KDM4C: variants seen among roughly 807,000 people sequenced by gnomAD.
The protein encoded by KDM4C is lysine-specific demethylase 4C.
In KDM4C, 81 loss-of-function variants were observed where a neutral mutation model predicts 129.3. That is an observed-to-expected ratio of 0.63 (90% CI 0.52 to 0.75). KDM4C has a LOEUF of 0.75. Ranked by LOEUF, KDM4C falls within the 30% of genes least tolerant of loss-of-function variation. The pLI is 0.00. For synonymous variants in KDM4C, 573 were observed against 456.1 expected, an observed-to-expected ratio of 1.26 and a Z score of -3.26; for missense variants, 1,457 against 1,304.0, an observed-to-expected ratio of 1.12 and a Z score of -1.81.
intron 1 of KDM4C, among the ~76,000 whole-genome samples, chr9:6,738,510 T>C (rs1236076097): frequency 1.3e-5 from 2 of 151,954 alleles, no homozygotes; most frequent in Non-Finnish European, 2.9e-5. Context: ...CAGAGGTCAC[T>C]GGAGTCTCGA....
At chr9:6,996,339 C>T (rs1212358279) in intron 12 of KDM4C, among the ~76,000 whole-genome samples, 1 of 152,220 alleles carries the variant, frequency 6.6e-6, no homozygotes, top group African/African-American at 2.4e-5. Flanking sequence ...TATCACACCC[C>T]CTTCCCCCTT....
intron 1 of KDM4C, among the ~76,000 whole-genome samples, chr9:6,778,997 C>G (rs1392450179): frequency 6.8e-6 from 1 of 146,718 alleles, no homozygotes; most frequent in South Asian, 2.2e-4. Flanking sequence ...GCTGGGATTA[C>G]AGGCCTGAGC....
chr9:6,930,936 G>C (rs143950457), intron 8 of KDM4C, among the ~76,000 whole-genome samples: 1 of 152,078 alleles, frequency 6.6e-6, no homozygotes, highest in South Asian at 2.1e-4. Context: ...TTTGCAGTAA[G>C]CACCTCAGAG....
chr9:6,745,312 A>G lies in KDM4C; in HGVS notation c.49+24315A>G, dbSNP rs985354489. On this transcript the variant is annotated intron_variant, in intron 1 of 17. Transcript: ENST00000536108. ...TTGTTATATTTTAAAACTGAGAAAA[A>G]TTTAGGCCAGGGATGGTGGCTCGCA... Among the ~76,000 whole-genome samples the G allele has an allele frequency of 7.9e-5, 12 of 151,976 alleles. No individual in the cohort carries two copies. The East Asian group carries it at 2.3e-3, about 29-fold the overall frequency.
chr9:7,018,679 G>C (rs1824123721), intron 15 of KDM4C, among the ~76,000 whole-genome samples: 1 of 152,198 alleles, frequency 6.6e-6, no homozygotes, highest in South Asian at 2.1e-4. Flanking sequence ...TGTTGTCCAA[G>C]GTACCATTGT....
At chr9:6,800,987 T>G (rs1048724069) in intron 2 of KDM4C, among the ~76,000 whole-genome samples, 5 of 152,218 alleles carry the variant, frequency 3.3e-5, no homozygotes, top group Non-Finnish European at 5.9e-5. Flanking sequence ...TATCCTTATA[T>G]TGCTAATGAA....
chr9:6,736,368 T>A (rs1274612471), intron 1 of KDM4C, among the ~76,000 whole-genome samples: 1 of 152,164 alleles, frequency 6.6e-6, no homozygotes, highest in Admixed American at 6.6e-5. Context: ...GAGGTATTCA[T>A]GGCAGCCCCT....
intron 8 of KDM4C, among the ~76,000 whole-genome samples, chr9:6,956,934 C>T (rs371523057): frequency 2.0e-5 from 3 of 152,152 alleles, no homozygotes; most frequent in South Asian, 4.1e-4. Context: ...CATCCTCTGG[C>T]TTGGTTCTGT....
At chr9:6,988,350 A>G (rs1375631792) in intron 11 of KDM4C, among the ~76,000 whole-genome samples, 1 of 152,078 alleles carries the variant, frequency 6.6e-6, no homozygotes, top group Non-Finnish European at 1.5e-5. Context: ...TTTGCTCTCA[A>G]GGAAGGTGAT....
At chr9:7,027,984 G>C (rs919024735) in intron 15 of KDM4C, among the ~76,000 whole-genome samples, 20 of 152,064 alleles carry the variant, frequency 1.3e-4, no homozygotes, top group African/African-American at 4.8e-4. Context: ...TCACCCTTCG[G>C]GACACTGGGC....
chr9:7,009,583 C>CA (rs1476167468), intron 12 of KDM4C, among the ~76,000 whole-genome samples: 1 of 152,008 alleles, frequency 6.6e-6, no homozygotes, highest in African/African-American at 2.4e-5. Flanking sequence ...CCTTTGGTGC[C>CA]ACTGCCTTGA....
intron 13 of KDM4C, among the ~76,000 whole-genome samples, chr9:7,012,549 T>C (rs980987431): frequency 6.6e-6 from 1 of 152,176 alleles, no homozygotes; most frequent in Non-Finnish European, 1.5e-5. Flanking sequence ...AAGTGTCTCT[T>C]TTCACCTTCC....
rs138310334 is a variant in KDM4C at position 7,085,272 on chromosome 9, C to T, written c.2425-18413C>T. On this transcript the variant is annotated intron_variant, in intron 17 of 21. Transcript: ENST00000381309. ...GTGTGGCAGTGAGTAAACACTTCTT[C>T]GGACCTCAGTTTCTTCATCTCTAAA... Among the ~76,000 whole-genome samples the T allele has an allele frequency of 4.3e-3, 656 of 152,312 alleles. 4 individuals are homozygous for T. The highest frequency in any genetic ancestry group is 0.012 in the African/African-American group (496 of 41,564).
chr9:6,801,635 CTCTCTG>C (rs903463723), intron 2 of KDM4C, among the ~76,000 whole-genome samples: 3 of 150,932 alleles, frequency 2.0e-5, no homozygotes, highest in African/African-American at 7.4e-5. Context: ...CTCTCTCTCT[CTCTCTG>C]TCTCTCTCTC....
At chr9:7,103,078 T>C (rs1170454851) in intron 17 of KDM4C, among the ~76,000 whole-genome samples, 1 of 152,230 alleles carries the variant, frequency 6.6e-6, no homozygotes, top group African/African-American at 2.4e-5. Flanking sequence ...TTGGGGTGAT[T>C]TTCAATTTTC....
chr9:7,020,349 G>C (rs1824570144), intron 15 of KDM4C, among the ~76,000 whole-genome samples: 2 of 152,158 alleles, frequency 1.3e-5, no homozygotes, highest in South Asian at 4.1e-4. Flanking sequence ...ATCGCTTTGA[G>C]TCCCTGCCTT....
intron 19 of KDM4C, among the ~76,000 whole-genome samples, chr9:7,160,913 T>G (rs1244764328): frequency 6.6e-6 from 1 of 152,226 alleles, no homozygotes; most frequent in Non-Finnish European, 1.5e-5. Flanking sequence ...TGCTGTCTTT[T>G]GTTCAGCTAT....
chr9:7,064,189 T>C (rs901850556), intron 17 of KDM4C, among the ~76,000 whole-genome samples: 1 of 152,186 alleles, frequency 6.6e-6, no homozygotes, highest in Non-Finnish European at 1.5e-5. Flanking sequence ...GTATCCGAAC[T>C]GAGATACGTT....
At chr9:6,864,627 C>G (rs567405839) in intron 5 of KDM4C, among the ~76,000 whole-genome samples, 1 of 151,746 alleles carries the variant, frequency 6.6e-6, no homozygotes, top group African/African-American at 2.4e-5. Flanking sequence ...TGCCAACATG[C>G]CCAGCTAATT....
Sources: gnomAD v4.1 joint callset for allele counts (sites outside exome capture counted in the v4.1 genomes callset) on GRCh38, gnomAD v4.1.1 for gene constraint, MANE v1.5 for transcripts, NCBI Gene and HGNC (gene_info 2026-07-23, HGNC 2026-07-21) for gene names.